GAB4: variants seen among roughly 807,000 people sequenced by gnomAD.
The protein encoded by GAB4 is GRB2 associated binding protein family member 4.
GAB4 carries 26 observed loss-of-function variants against 51.3 expected under a neutral mutation model. The observed-to-expected ratio is 0.51, with a 90% confidence interval of 0.37 to 0.70. The LOEUF (loss-of-function observed/expected upper bound fraction) is 0.70, where lower values mean the gene tolerates loss of function less well. GAB4 is among the 30% of genes least tolerant of loss of function. GAB4 has a pLI of 0.00. For synonymous variants in GAB4, 329 were observed against 291.2 expected (o/e 1.13, Z -1.32); for missense variants, 759 against 734.6 (o/e 1.03, Z -0.38).
At chr22:16,974,207 T>C (rs1330309810) in intron 3 of GAB4, among the ~76,000 whole-genome samples, 1 of 152,224 alleles carries the variant, frequency 6.6e-6, no homozygotes, top group Non-Finnish European at 1.5e-5. Flanking sequence ...GCATTGCTTT[T>C]GTTGGACGGA....
intron 1 of GAB4, among the ~76,000 whole-genome samples, chr22:16,999,588 C>T (rs2060978789): frequency 6.6e-6 from 1 of 152,070 alleles, no homozygotes; most frequent in Non-Finnish European, 1.5e-5. Flanking sequence ...TTTCAAAAAA[C>T]CAGCTCCTGG....
intron 4 of GAB4, 69 bp from the exon 5 acceptor site, chr22:16,968,452 C>G: frequency 8.9e-7 from 1 of 1,124,702 alleles, no homozygotes; most frequent in Admixed American, 1.7e-5. Context: ...CACGCCCTCC[C>G]CAGTGCTGCT....
At chr22:16,976,678 G>A (rs948277551) in intron 3 of GAB4, among the ~76,000 whole-genome samples, 10 of 152,136 alleles carry the variant, frequency 6.6e-5, no homozygotes, top group Non-Finnish European at 1.3e-4. Context: ...ACACCACCAA[G>A]ATACTCCTTG....
chr22:16,994,928 T>TA (rs1569108490), intron 1 of GAB4, among the ~76,000 whole-genome samples: 2 of 152,262 alleles, frequency 1.3e-5, no homozygotes, highest in Non-Finnish European at 2.9e-5. Context: ...TTTTCACAGA[T>TA]ACGACTAATT....
chr22:17,001,102 T>C (rs1317877341), intron 1 of GAB4, among the ~76,000 whole-genome samples: 7 of 152,224 alleles, frequency 4.6e-5, no homozygotes. Flanking sequence ...TTGGTGAATC[T>C]GACAATTATG....
intron 2 of GAB4, among the ~76,000 whole-genome samples, 186 bp downstream of exon 2, chr22:16,991,687 G>A (rs2060915108): frequency 1.3e-5 from 2 of 152,192 alleles, no homozygotes; most frequent in Admixed American, 6.5e-5. Context: ...CAGGGAAGGG[G>A]GAGAGGTGGA....
chr22:17,007,834 T>TC (rs2061053971), intron 1 of GAB4, 107 bp downstream of exon 1: 7 of 1,052,958 alleles, frequency 6.6e-6, no homozygotes, highest in Non-Finnish European at 1.4e-6. Context: ...AGAAGTCGCC[T>TC]CCACCCGCAG....
At chr22:16,962,898 T>A (rs202160268) in intron 9 of GAB4, 22 bp from the exon 10 acceptor site, 7 of 1,603,362 alleles carry the variant, frequency 4.4e-6, no homozygotes, top group South Asian at 1.1e-5. Context: ...AGGGTGGAAG[T>A]GGGAGTGGCA....
At chr22:16,962,945 G>C in intron 9 of GAB4, 69 bp from the exon 10 acceptor site, 3 of 1,475,554 alleles carry the variant, frequency 2.0e-6, no homozygotes, top group Admixed American at 3.7e-5. Flanking sequence ...GGCAGGCCAA[G>C]GAGTGGGCTC....
chr22:16,987,397 C>A (rs1013201956), intron 3 of GAB4, among the ~76,000 whole-genome samples: 2 of 152,234 alleles, frequency 1.3e-5, no homozygotes, highest in African/African-American at 2.4e-5. Context: ...CCTTGTGAAA[C>A]CATCTGTGGT....
At chr22:16,999,405 T>C (rs1484216173) in intron 1 of GAB4, among the ~76,000 whole-genome samples, 5 of 152,244 alleles carry the variant, frequency 3.3e-5, no homozygotes, top group Non-Finnish European at 7.3e-5. Context: ...CCATTTCTTC[T>C]AGATTTTCTA....
chr22:16,970,588 T>C (rs2060722653), intron 3 of GAB4, among the ~76,000 whole-genome samples: 1 of 152,188 alleles, frequency 6.6e-6, no homozygotes. Context: ...ACTGGTTCCC[T>C]GCTGTGAGCA....
chr22:16,978,649 A>G (rs1467065321), intron 3 of GAB4, among the ~76,000 whole-genome samples: 3 of 152,194 alleles, frequency 2.0e-5, no homozygotes, highest in Non-Finnish European at 4.4e-5. Context: ...TCCAAAAAAT[A>G]GAAAAAGATG....
chr22:16,965,156 G>C (rs1433051659), intron 7 of GAB4, 22 bp downstream of exon 7: 2 of 1,589,274 alleles, frequency 1.3e-6, no homozygotes, highest in Non-Finnish European at 1.7e-6. Context: ...CCAAGCTCCT[G>C]TTTCCACTGA....
chr22:17,008,177 G>T lies in GAB4; in HGVS notation c.-63C>A. On this transcript the variant is annotated 5_prime_UTR_variant, in exon 1 of 10. Transcript: ENST00000400588. ...GCGAGAGGGCGTTGCTGGAGGTGGGGTGTGAGGGACGGCTTGCGATACCCT... is the reference window on the plus strand; with the variant it reads ...GCGAGAGGGCGTTGCTGGAGGTGGGTTGTGAGGGACGGCTTGCGATACCCT... The T allele has an allele frequency of 8.2e-7, 1 of 1,225,016 alleles. No homozygotes were observed. Among genetic ancestry groups the T allele is most frequent in the Non-Finnish European group, 1.2e-6 (1 of 858,512 alleles). The allele number at this position is 1,225,016 out of a possible 1,614,324, so 75.9% of individuals were successfully genotyped here.
At chr22:16,963,628 C>T (rs1490563017) in intron 9 of GAB4, 97 bp downstream of exon 9, 2 of 823,062 alleles carry the variant, frequency 2.4e-6, no homozygotes, top group Non-Finnish European at 4.0e-6. Flanking sequence ...GAGTGGCAGC[C>T]CAGCAGCCCA....
intron 1 of GAB4, among the ~76,000 whole-genome samples, chr22:17,001,931 C>T (rs900968603): frequency 1.3e-5 from 2 of 152,160 alleles, no homozygotes; most frequent in Non-Finnish European, 2.9e-5. Flanking sequence ...TAGCAGTGAG[C>T]GAGACTCCAT....
intron 4 of GAB4, 56 bp downstream of exon 4, chr22:16,969,887 G>C: frequency 1.2e-6 from 2 of 1,605,164 alleles, no homozygotes; most frequent in Non-Finnish European, 1.7e-6. Context: ...TGTTCACCAG[G>C]TGGCCCCCAA....
chr22:16,989,338 C>A (rs1226103377), intron 2 of GAB4, among the ~76,000 whole-genome samples: 1 of 152,202 alleles, frequency 6.6e-6, no homozygotes, highest in Admixed American at 6.5e-5. Flanking sequence ...GGGCAGAGTT[C>A]TCTTTCTGCC....
Sources: gnomAD v4.1 joint callset for allele counts (sites outside exome capture counted in the v4.1 genomes callset) on GRCh38, gnomAD v4.1.1 for gene constraint, MANE v1.5 for transcripts, NCBI Gene and HGNC (gene_info 2026-07-23, HGNC 2026-07-21) for gene names.